FBXW7: variants seen among roughly 807,000 people sequenced by gnomAD.
FBXW7 encodes F-box and WD repeat domain containing 7, also known as F-box/WD repeat-containing protein 7.
In FBXW7, 11 loss-of-function variants were observed where a neutral mutation model predicts 86.3. The ratio of observed to expected loss-of-function variants is 0.13; its 90% CI spans 0.08 to 0.21. The LOEUF (loss-of-function observed/expected upper bound fraction) is 0.21. Ranked by LOEUF, FBXW7 falls within the 10% of genes least tolerant of loss-of-function variation. The pLI is 1.00. For missense variants in FBXW7, 488 were observed against 847.4 expected, an observed-to-expected ratio of 0.58 and a Z score of 5.27; for synonymous variants, 313 against 297.9, an observed-to-expected ratio of 1.05 and a Z score of -0.52.
intron 2 of FBXW7, among the ~76,000 whole-genome samples, chr4:152,521,591 G>A (rs76830841): frequency 0.014 from 2,086 of 152,146 alleles, 26 homozygotes; most frequent in Middle Eastern, 0.037. Context: ...AGAAAAGTCA[G>A]TACATTCAAA....
intron 2 of FBXW7, among the ~76,000 whole-genome samples, chr4:152,467,519 A>G (rs1162177183): frequency 2.0e-5 from 3 of 152,218 alleles, no homozygotes; most frequent in African/African-American, 4.8e-5. Context: ...AAAACTAAAC[A>G]TAAATTCACA....
intron 2 of FBXW7, among the ~76,000 whole-genome samples, chr4:152,420,196 T>C (rs946026712): frequency 2.0e-5 from 3 of 152,150 alleles, no homozygotes; most frequent in Non-Finnish European, 4.4e-5. Flanking sequence ...TAGGAGTAGG[T>C]TCCATCTCAA....
intron 2 of FBXW7, among the ~76,000 whole-genome samples, chr4:152,418,146 C>CACACAA (rs1682961457): frequency 6.6e-6 from 1 of 151,914 alleles, no homozygotes; most frequent in Non-Finnish European, 1.5e-5. Flanking sequence ...CACACACACA[C>CACACAA]ACACACACAC....
intron 2 of FBXW7, among the ~76,000 whole-genome samples, chr4:152,440,394 CA>C (rs1299935034): frequency 3.9e-5 from 6 of 152,136 alleles, no homozygotes; most frequent in African/African-American, 1.4e-4. Flanking sequence ...TACATTTCTT[CA>C]CTAAGCAGAA....
chr4:152,411,650 G>A lies in FBXW7; in HGVS notation c.154C>T (p.His52Tyr), dbSNP rs2126881088. The stretch of plus-strand genomic sequence containing the variant: ...ACAACTTCACCATTCCTTGCAGTGT[G>A]CTCCTCCTCTTGTTGTCTGAGTTGC... Reference protein sequence around the residue: ...QQQLRQQEEEHTARNGEVVGV... With the variant: ...QQQLRQQEEEYTARNGEVVGV... Residue 52 changes from histidine (H) to tyrosine (Y), a missense_variant, in exon 4 of 14, where the codon CAC becomes TAC. Transcript: ENST00000281708. The A allele has an allele frequency of 6.2e-7, 1 of 1,613,932 alleles. No homozygotes were observed. Among genetic ancestry groups the A allele is most frequent in the Non-Finnish European group, 8.5e-7 (1 of 1,179,894 alleles).
chr4:152,469,162 C>CAA (rs1743720296), intron 2 of FBXW7, among the ~76,000 whole-genome samples: 1 of 151,964 alleles, frequency 6.6e-6, no homozygotes, highest in Admixed American at 6.6e-5. Context: ...CTGCTATTGA[C>CAA]TATATTAAAA....
intron 2 of FBXW7, among the ~76,000 whole-genome samples, chr4:152,508,357 T>C (rs919453597): frequency 6.6e-6 from 1 of 151,808 alleles, no homozygotes; most frequent in African/African-American, 2.4e-5. Flanking sequence ...ACAGAAGAAA[T>C]GATGGAAACA....
intron 2 of FBXW7, among the ~76,000 whole-genome samples, chr4:152,518,081 C>T (rs1392316629): frequency 6.6e-6 from 1 of 152,088 alleles, no homozygotes; most frequent in Non-Finnish European, 1.5e-5. Flanking sequence ...CTCCACCACC[C>T]GGGTTCAAGC....
At chr4:152,523,394 AAAAGT>A (rs1749194929) in intron 2 of FBXW7, among the ~76,000 whole-genome samples, 1 of 152,254 alleles carries the variant, frequency 6.6e-6, no homozygotes, top group African/African-American at 2.4e-5. Context: ...TATGAGAAAG[AAAAGT>A]ATACAGTTAG....
chr4:152,345,987 A>G (rs948782422), intron 6 of FBXW7, among the ~76,000 whole-genome samples: 4 of 152,126 alleles, frequency 2.6e-5, no homozygotes, highest in African/African-American at 9.7e-5. Context: ...CTAATATCAG[A>G]TATTTTTTAC....
At chr4:152,517,092 G>C (rs1027935783) in intron 2 of FBXW7, among the ~76,000 whole-genome samples, 2 of 152,230 alleles carry the variant, frequency 1.3e-5, no homozygotes, top group Admixed American at 1.3e-4. Flanking sequence ...CAAAGTGCTA[G>C]GATTATACGC....
intron 2 of FBXW7, among the ~76,000 whole-genome samples, chr4:152,441,832 T>C (rs372348479): frequency 3.9e-5 from 6 of 152,240 alleles, no homozygotes; most frequent in African/African-American, 1.4e-4. Context: ...ATTTCCTATA[T>C]AGAAGCAGAA....
intron 4 of FBXW7, among the ~76,000 whole-genome samples, chr4:152,357,066 T>C (rs1732452454): frequency 6.6e-6 from 1 of 151,958 alleles, no homozygotes; most frequent in South Asian, 2.1e-4. Context: ...ACATGTAAAA[T>C]AAAACAAGAT....
At chr4:152,511,303 C>T (rs1747949682) in intron 2 of FBXW7, among the ~76,000 whole-genome samples, 1 of 147,598 alleles carries the variant, frequency 6.8e-6, no homozygotes, top group African/African-American at 2.5e-5. Flanking sequence ...CCCCCCCCAC[C>T]GAATCCCACC....
In FBXW7 at chr4:152,328,336, T is replaced by G; in HGVS notation, c.1290A>C (p.Arg430Ser). The G allele has an allele frequency of 6.3e-7, 1 of 1,590,700 alleles. No individual in the cohort carries two copies. Among genetic ancestry groups the G allele is most frequent in the Non-Finnish European group, 8.5e-7 (1 of 1,170,240 alleles). ...HTGGVWSSQM[R>S]DNIIISGSTD... ...TAGATCCACTAATGATGATGTTGTC[T>G]CTCATTTGTGATGACCATACTCCAC... The change falls in exon 11 of 14, where the codon AGA becomes AGC. Residue 430 changes from arginine (R) to serine (S), a missense_variant. This residue lies in a region of FBXW7 where 142 missense variants were observed against 406.6 expected (regional missense o/e 0.35). Transcript: ENST00000281708.
chr4:152,497,964 T>TTG (rs1326215149), intron 2 of FBXW7, among the ~76,000 whole-genome samples: 7 of 152,210 alleles, frequency 4.6e-5, no homozygotes, highest in Non-Finnish European at 1.0e-4. Flanking sequence ...AGGTCATCTT[T>TTG]TGTGTAAATG....
chr4:152,362,959 T>G (rs1578996601), intron 4 of FBXW7, among the ~76,000 whole-genome samples: 1 of 152,254 alleles, frequency 6.6e-6, no homozygotes, highest in Non-Finnish European at 1.5e-5. Flanking sequence ...TTCCAAGATA[T>G]TTTTAGTCAC....
chr4:152,353,341 T>C (rs1390375428), intron 4 of FBXW7, among the ~76,000 whole-genome samples: 2 of 152,196 alleles, frequency 1.3e-5, no homozygotes, highest in Non-Finnish European at 2.9e-5. Flanking sequence ...CCGACAGCAT[T>C]TGCAGAAATT....
intron 4 of FBXW7, among the ~76,000 whole-genome samples, chr4:152,357,813 A>G (rs961324486): frequency 6.6e-6 from 1 of 152,188 alleles, no homozygotes; most frequent in Non-Finnish European, 1.5e-5. Context: ...ATATATAAAT[A>G]TACACACATA....
Sources: allele counts gnomAD v4.1 joint callset (sites outside exome capture counted in the v4.1 genomes callset), GRCh38; gene constraint gnomAD v4.1.1; regional missense constraint gnomAD v4.1.1; transcripts MANE v1.5; gene names NCBI Gene and HGNC (gene_info 2026-07-23, HGNC 2026-07-21).